PIWIL1: variants seen among roughly 807,000 people sequenced by gnomAD.
PIWIL1 encodes piwi like RNA-mediated gene silencing 1, also known as piwi-like protein 1.
A neutral mutation model predicts 114.4 loss-of-function variants in PIWIL1; 73 were observed. The observed-to-expected ratio is 0.64, with a 90% CI of 0.53 to 0.78. The LOEUF (loss-of-function observed/expected upper bound fraction) is 0.78. Among genes scored for constraint, PIWIL1 ranks in the 30% least tolerant of loss-of-function variants. PIWIL1 has a pLI of 0.00. For synonymous variants in PIWIL1, 375 were observed against 369.0 expected, an observed-to-expected ratio of 1.02 and a Z score of -0.19; for missense variants, 723 against 1,063.1, an observed-to-expected ratio of 0.68 and a Z score of 4.45.
rs2073824023 is a variant in PIWIL1 at position 130,371,850 on chromosome 12, A to G, written c.*252A>G. On this transcript the variant is annotated 3_prime_UTR_variant, in exon 21 of 21. Transcript: ENST00000245255. ...AGCATTTTTTTGTTTATTTTGAAGA[A>G]ATGTGGATAAGATACTTGGTAGTAT... 1 of 258,430 alleles carries G rather than the reference A, an allele frequency of 3.9e-6. No homozygotes were observed. The highest frequency in any genetic ancestry group is 5.1e-5 in the Admixed American group (1 of 19,726). 16.0% of individuals were successfully genotyped at this position (258,430 alleles called of 1,614,324 possible). A position where few individuals can be genotyped will look rare whatever the true frequency, so the allele number is the denominator to read the frequency against.
chr12:130,354,049 T>C (rs1019065160), intron 9 of PIWIL1, among the ~76,000 whole-genome samples: 4 of 152,208 alleles, frequency 2.6e-5, no homozygotes, highest in Non-Finnish European at 4.4e-5. Context: ...CTTGAAAATA[T>C]CAAGATTTTA....
the PIWIL1 span, among the ~76,000 whole-genome samples, chr12:130,380,498 A>G: frequency 6.6e-6 from 1 of 152,252 alleles, no homozygotes; most frequent in Non-Finnish European, 1.5e-5. Context: ...GTGGAGGGGA[A>G]AGGCAAAGAA....
chr12:130,347,007 G>C lies in PIWIL1; in HGVS notation c.598G>C (p.Glu200Gln), dbSNP rs763139655. 1 of 1,613,850 alleles carries C rather than the reference G, an allele frequency of 6.2e-7. No homozygotes were observed. Among genetic ancestry groups the C allele is most frequent in the Non-Finnish European group, 8.5e-7 (1 of 1,179,834 alleles). Reference sequence around the variant, plus strand: ...GAGGATAACGATCACTTTAACAAATGAACTTCCACCTACATCACCAACTTG... The same window carrying C: ...GAGGATAACGATCACTTTAACAAATCAACTTCCACCTACATCACCAACTTG... ...DVRITITLTN[E>Q]LPPTSPTCLQ... The change falls in exon 6 of 21, where the codon GAA (glutamate) becomes CAA (glutamine). Residue 200 changes from glutamate to glutamine, a missense_variant. This residue lies in a region of PIWIL1 where 190 missense variants were observed against 294.4 expected (regional missense o/e 0.65). Coordinates refer to ENST00000245255, the MANE Select transcript of PIWIL1 (RefSeq NM_004764.5).
At chr12:130,361,622 G>C (rs1185159385) in intron 16 of PIWIL1, 21 bp downstream of exon 16, 1 of 1,578,914 alleles carries the variant, frequency 6.3e-7, no homozygotes, top group East Asian at 2.2e-5. Flanking sequence ...CTGGGCTACT[G>C]TGGGTGGCAG....
chr12:130,393,151 A>G, the PIWIL1 span, among the ~76,000 whole-genome samples: 31,398 of 50,050 alleles, frequency 0.63, 10,054 homozygotes, highest in Non-Finnish European at 0.72. Context: ...CCCGGTCACC[A>G]TCATCACGTG....
Position 130,371,334 on chromosome 12 carries a change from C to T in PIWIL1, c.2469+11C>T, listed in dbSNP as rs1386360059. 1.2e-6 allele frequency: 2 copies of T among 1,613,812 alleles called. No homozygotes were observed. On this transcript the variant is annotated intron_variant, in intron 20 of 20. Coordinates refer to ENST00000245255, the MANE Select transcript of PIWIL1 (RefSeq NM_004764.5). ...TATTACAACTGGCCAGTAAGTGCTTCTACTTGTTGATGTTTAGCAAATAAA... is the reference window on the plus strand; with the variant it reads ...TATTACAACTGGCCAGTAAGTGCTTTTACTTGTTGATGTTTAGCAAATAAA...
chr12:130,364,563 C>T (rs547471909), intron 18 of PIWIL1, among the ~76,000 whole-genome samples: 4 of 152,316 alleles, frequency 2.6e-5, no homozygotes, highest in South Asian at 2.1e-4. Flanking sequence ...TAAAAGACCA[C>T]GCATTTTTTA....
At chr12:130,404,375 G>A in the PIWIL1 span, among the ~76,000 whole-genome samples, 3 of 152,106 alleles carry the variant, frequency 2.0e-5, no homozygotes, top group African/African-American at 4.8e-5. Context: ...TCAGCTCACC[G>A]CAACCTCCAC....
At chr12:130,405,029 G>A in the PIWIL1 span, among the ~76,000 whole-genome samples, 3 of 152,078 alleles carry the variant, frequency 2.0e-5, no homozygotes, top group Non-Finnish European at 4.4e-5. Context: ...GGAAAAAATG[G>A]TAGATACTTG....
In PIWIL1 at chr12:130,361,183, G is replaced by T. The variant is rs1201918526; in HGVS notation, c.1669G>T (p.Val557Phe). 2.5e-6 allele frequency: 4 copies of T among 1,613,922 alleles called. No homozygotes were observed. Among genetic ancestry groups the T allele is most frequent in the African/African-American group, 2.7e-5 (2 of 74,918 alleles). Residue 557 changes from valine (V) to phenylalanine (F), a missense_variant, in exon 15 of 21, where the codon GTC becomes TTC. Val to Phe is a conservative substitution (Grantham distance 50). Around this residue, in one of 8 missense-constraint regions of PIWIL1, gnomAD observed 298 missense variants for 420.8 expected, o/e 0.71. Transcript: ENST00000245255. The part of the protein sequence containing the change: ...QKVTADTQIV[V>F]CLLSSNRKDK... ...AACAAGGGCACTTTGTTTTCAGGTT[G>T]TCTGTCTGTTGTCAAGTAATCGGAA...
chr12:130,411,745 A>G, the PIWIL1 span, among the ~76,000 whole-genome samples: 1 of 152,172 alleles, frequency 6.6e-6, no homozygotes, highest in Non-Finnish European at 1.5e-5. Context: ...CATGGATTTA[A>G]TGTGGGCGAT....
intron 5 of PIWIL1, 132 bp downstream of exon 5, chr12:130,346,716 G>A (rs2073079187): frequency 3.5e-6 from 3 of 860,588 alleles, no homozygotes; most frequent in South Asian, 1.7e-5. Flanking sequence ...AACACATAGG[G>A]TACTTTGGCA....
At chr12:130,424,587 G>A in the PIWIL1 span, 3 of 1,231,848 alleles carry the variant, frequency 2.4e-6, no homozygotes, top group Non-Finnish European at 3.0e-6. This position sits in a 1 kb window ranked among gnomAD's most constrained non-coding sequence, Gnocchi z 9.8. Context: ...CTCCACGTGG[G>A]GGACGGCCCC....
the PIWIL1 span, among the ~76,000 whole-genome samples, chr12:130,418,289 C>A: frequency 1.3e-5 from 2 of 152,170 alleles, no homozygotes; most frequent in African/African-American, 2.4e-5. Flanking sequence ...TCATTAATTT[C>A]TCCAGGCTGT....
At position 130,361,237 on chromosome 12, in the gene PIWIL1, C is replaced by T. The variant is rs1353507260; in HGVS notation, c.1723C>T (p.Leu575=). The T allele has an allele frequency of 2.5e-6, 4 of 1,614,008 alleles. No individual in the cohort carries two copies. The South Asian group carries it at 4.4e-5, about 18-fold the overall frequency. ...KDKYDAIKKY[L]CTDCPTPSQC... is the part of the protein sequence containing the mutation. ...CAAATACGATGCTATTAAAAAATACCTGTGTACAGATTGCCCTACCCCAAG... is the reference window on the plus strand; with the variant it reads ...CAAATACGATGCTATTAAAAAATACTTGTGTACAGATTGCCCTACCCCAAG... Residue 575 remains leucine, a synonymous_variant, in exon 15 of 21, where the codon CTG becomes TTG. Transcript: ENST00000245255.
chr12:130,411,387 T>C, the PIWIL1 span, among the ~76,000 whole-genome samples: 1 of 152,098 alleles, frequency 6.6e-6, no homozygotes, highest in South Asian at 2.1e-4. Context: ...TCCAGTATGA[T>C]GTGGAAAAGG....
chr12:130,346,580 A>G lies in PIWIL1; in HGVS notation c.527A>G (p.Gln176Arg), dbSNP rs746299952. 22 of 1,610,794 alleles carry G rather than the reference A, an allele frequency of 1.4e-5. No individual in the cohort carries two copies. Among genetic ancestry groups the G allele is most frequent in the East Asian group, 4.5e-5 (2 of 44,878 alleles). Residue 176 changes from glutamine to arginine, a missense_variant, in exon 5 of 21, where the codon CAA becomes CGA. Coordinates refer to ENST00000245255, the MANE Select transcript of PIWIL1 (RefSeq NM_004764.5). The stretch of plus-strand genomic sequence containing the variant: ...TTATTTTTACCTAAAAGACTACAGC[A>G]AAAGGTTATTTGGGAAAAGGGAGAT... ...TILFLPKRLQ[Q>R]KVTEVFSKTR...
At chr12:130,341,215 A>C (rs1378401368) in intron 1 of PIWIL1, among the ~76,000 whole-genome samples, 1 of 151,568 alleles carries the variant, frequency 6.6e-6, no homozygotes, top group Admixed American at 6.6e-5. Flanking sequence ...GAAATCCTCC[A>C]CTCCCCTTGC....
intron 18 of PIWIL1, among the ~76,000 whole-genome samples, chr12:130,366,182 G>A (rs1317321200): frequency 2.6e-5 from 4 of 152,178 alleles, no homozygotes; most frequent in East Asian, 3.8e-4. Flanking sequence ...TTTATCTAGT[G>A]CTTACTACCT....
Sources: allele counts gnomAD v4.1 joint callset (sites outside exome capture counted in the v4.1 genomes callset), GRCh38; gene constraint gnomAD v4.1.1; regional missense constraint gnomAD v4.1.1; non-coding constraint Gnocchi (gnomAD v3.1); transcripts MANE v1.5; gene names NCBI Gene and HGNC (gene_info 2026-07-23, HGNC 2026-07-21).